PCDHA7: variants seen among roughly 807,000 people sequenced by gnomAD.
PCDHA7 encodes the protein protocadherin alpha 7, also known as protocadherin alpha-7.
In PCDHA7, 37 loss-of-function variants were observed where a neutral mutation model predicts 57.2. That is an observed-to-expected ratio of 0.65 (90% confidence interval 0.50 to 0.85). The LOEUF is 0.85. PCDHA7 is among the 40% of genes least tolerant of loss of function. The probability of loss-of-function intolerance (pLI) is 0.00; values close to 1 mark genes in which losing one functional copy is unlikely to be tolerated. For synonymous variants in PCDHA7, 553 were observed against 558.8 expected (o/e 0.99, Z 0.15); for missense variants, 1,188 against 1,241.8 (o/e 0.96, Z 0.65).
chr5:140,923,924 T>C (rs968133405), intron 1 of PCDHA7, among the ~76,000 whole-genome samples: 15 of 152,220 alleles, frequency 9.9e-5, no homozygotes. Context: ...TACTGTTCTC[T>C]GTATGCATTT....
chr5:140,968,823 A>G (rs569036779), intron 1 of PCDHA7: 3 of 1,614,192 alleles, frequency 1.9e-6, no homozygotes, highest in Non-Finnish European at 2.5e-6. Context: ...AGGGTTTCCA[A>G]AATCCTCCCT....
chr5:140,889,700 T>C (rs1554184005), intron 1 of PCDHA7, among the ~76,000 whole-genome samples: 1 of 152,200 alleles, frequency 6.6e-6, no homozygotes, highest in African/African-American at 2.4e-5. Context: ...TATGGGCATA[T>C]TCCACAAGTT....
intron 1 of PCDHA7, chr5:140,862,642 G>A: frequency 1.8e-6 from 1 of 540,964 alleles, no homozygotes; most frequent in South Asian, 1.4e-5. Context: ...CGACTTCACA[G>A]TGTCCGCGCG....
chr5:140,912,007 C>A lies in PCDHA7; in HGVS notation c.2356-66942C>A, dbSNP rs572487277. Among the ~76,000 whole-genome samples, 3 of 152,282 alleles carry A rather than the reference C, an allele frequency of 2.0e-5. No homozygotes were observed. The East Asian group carries it at 5.8e-4, about 29-fold the overall frequency. On this transcript the variant is annotated intron_variant, in intron 1 of 3. Coordinates refer to ENST00000525929, the MANE Select transcript of PCDHA7 (RefSeq NM_018910.3). ...ACAAGGTCCCACAATAGGCCATCTGCAAGCTGAGGAGCAAGCAAGCCAATC... is the reference window on the plus strand; with the variant it reads ...ACAAGGTCCCACAATAGGCCATCTGAAAGCTGAGGAGCAAGCAAGCCAATC...
At chr5:140,916,539 A>G (rs114063131) in intron 1 of PCDHA7, among the ~76,000 whole-genome samples, 1,727 of 152,262 alleles carry the variant, frequency 0.011, 30 homozygotes, top group African/African-American at 0.038. Context: ...CACCAAGGCA[A>G]TGGGTTTTCT....
chr5:140,998,805 C>T (rs1226450562), intron 3 of PCDHA7, among the ~76,000 whole-genome samples: 1 of 152,204 alleles, frequency 6.6e-6, no homozygotes, highest in Admixed American at 6.5e-5. Flanking sequence ...CTCAGGTGAT[C>T]TGCCTGCCTT....
intron 1 of PCDHA7, among the ~76,000 whole-genome samples, chr5:140,946,310 A>G (rs562859671): frequency 2.6e-5 from 4 of 152,074 alleles, no homozygotes; most frequent in African/African-American, 4.8e-5. Context: ...TAGAATGGCT[A>G]TTATTGAAAG....
chr5:140,928,791 G>A, intron 1 of PCDHA7: 1 of 1,614,138 alleles, frequency 6.2e-7, no homozygotes, highest in South Asian at 1.1e-5. Flanking sequence ...TTAAGCAGAG[G>A]GTGGTGGTAG....
At chr5:140,911,436 C>G (rs369054235) in intron 1 of PCDHA7, among the ~76,000 whole-genome samples, 14 of 152,124 alleles carry the variant, frequency 9.2e-5, no homozygotes, top group African/African-American at 2.4e-4. Flanking sequence ...TCCAATTTCC[C>G]GCAATTTCAG....
At chr5:140,941,750 T>C (rs528792646) in intron 1 of PCDHA7, among the ~76,000 whole-genome samples, 2 of 152,384 alleles carry the variant, frequency 1.3e-5, no homozygotes, top group Admixed American at 6.5e-5. Flanking sequence ...TATCAGATTT[T>C]CAGTGCTTTT....
intron 1 of PCDHA7, chr5:140,857,533 G>T: frequency 6.3e-7 from 1 of 1,597,578 alleles, no homozygotes. Flanking sequence ...CTCTGGTGGA[G>T]CGGCGGTTGG....
intron 1 of PCDHA7, chr5:140,857,466 T>C: frequency 1.9e-6 from 3 of 1,598,502 alleles, no homozygotes; most frequent in Non-Finnish European, 2.6e-6. Context: ...GGCTGCCACA[T>C]CTTCACGGTG....
At chr5:140,870,482 C>T in intron 1 of PCDHA7, 1 of 1,614,244 alleles carries the variant, frequency 6.2e-7, no homozygotes, top group South Asian at 1.1e-5. Flanking sequence ...CCCGAGTACA[C>T]CGTGTTCGTG....
chr5:140,836,961 G>A, intron 1 of PCDHA7: 1 of 400,098 alleles, frequency 2.5e-6, no homozygotes, highest in Non-Finnish European at 4.3e-6. Context: ...GTTTATGTTG[G>A]CTACTCTCCA....
chr5:140,897,457 C>T (rs1173344812), intron 1 of PCDHA7, among the ~76,000 whole-genome samples: 11 of 151,186 alleles, frequency 7.3e-5, no homozygotes, highest in East Asian at 1.9e-4. Context: ...TTTGTCCTTG[C>T]GATAGTTTAC....
intron 1 of PCDHA7, among the ~76,000 whole-genome samples, chr5:140,894,384 T>A (rs1554186071): frequency 6.6e-6 from 1 of 152,046 alleles, no homozygotes; most frequent in Admixed American, 6.5e-5. Flanking sequence ...ATTATATTTG[T>A]ATTAGATATT....
At chr5:140,925,959 T>A (rs1424415985) in intron 1 of PCDHA7, among the ~76,000 whole-genome samples, 5 of 151,912 alleles carry the variant, frequency 3.3e-5, no homozygotes, top group African/African-American at 4.8e-5. Flanking sequence ...GAAACTGCTA[T>A]CACGCAAAAA....
intron 1 of PCDHA7, chr5:140,871,048 C>T (rs1472650820): frequency 6.2e-7 from 1 of 1,613,348 alleles, no homozygotes; most frequent in Non-Finnish European, 8.5e-7. Context: ...ACTTCTAGTA[C>T]TGGTGAAGGA....
At chr5:140,874,970 G>A (rs186825854) in intron 1 of PCDHA7, among the ~76,000 whole-genome samples, 1 of 152,280 alleles carries the variant, frequency 6.6e-6, no homozygotes, top group Admixed American at 6.5e-5. Flanking sequence ...AAGGGGAGGG[G>A]TGCTGTATAT....
Sources: allele counts gnomAD v4.1 joint callset (sites outside exome capture counted in the v4.1 genomes callset), GRCh38; gene constraint gnomAD v4.1.1; transcripts MANE v1.5; gene names NCBI Gene and HGNC (gene_info 2026-07-23, HGNC 2026-07-21).